The following CAMK2D variants were observed in gnomAD, a reference collection of about 807,000 sequenced individuals.
CAMK2D encodes the protein calcium/calmodulin-dependent protein kinase type II subunit delta.
CAMK2D carries 37 observed loss-of-function variants against 84.0 expected under a neutral mutation model. That is an observed-to-expected ratio of 0.44 (90% CI 0.34 to 0.58). The LOEUF (loss-of-function observed/expected upper bound fraction) is 0.58, where lower values mean the gene tolerates loss of function less well. CAMK2D is among the 20% of genes least tolerant of loss of function. The pLI, the probability that CAMK2D is intolerant of heterozygous loss-of-function variation, is 0.02. For missense variants in CAMK2D, 448 were observed against 652.5 expected (o/e 0.69, Z 3.41); for synonymous variants, 202 against 212.5 (o/e 0.95, Z 0.43).
intron 4 of CAMK2D, among the ~76,000 whole-genome samples, chr4:113,573,670 C>T (rs1235024256): frequency 6.6e-6 from 1 of 152,222 alleles, no homozygotes; most frequent in Non-Finnish European, 1.5e-5. Flanking sequence ...TATAAAACTA[C>T]TTCCATACAT....
At chr4:113,676,230 C>T (rs57074148) in intron 2 of CAMK2D, among the ~76,000 whole-genome samples, 145 of 152,288 alleles carry the variant, frequency 9.5e-4, no homozygotes, top group African/African-American at 3.2e-3. Context: ...GTTCAACACT[C>T]AGCCTGTCAG....
intron 4 of CAMK2D, among the ~76,000 whole-genome samples, chr4:113,556,801 T>C (rs183181367): frequency 2.0e-4 from 30 of 152,176 alleles, no homozygotes; most frequent in Non-Finnish European, 3.8e-4. Context: ...ATAAAGTAAA[T>C]CAAGCCAACC....
chr4:113,759,414 C>G lies in CAMK2D; in HGVS notation c.66G>C (p.Lys22Asn). The G allele has an allele frequency of 6.3e-7, 1 of 1,575,170 alleles. No individual in the cohort carries two copies. The highest frequency in any genetic ancestry group is 8.7e-7 in the Non-Finnish European group (1 of 1,153,336). ...DEYQLFEELG[K>N]GAFSVVRRCM... ...ATCTTCTCACCACTGAGAATGCCCC[C>G]CTGGAAACCAATAATTAGCAGGTCA... The change falls in exon 2 of 21, where the codon AAG (lysine) becomes AAC (asparagine). Residue 22 changes from lysine to asparagine, a missense_variant and splice_region_variant. This residue lies in a region of CAMK2D where 44 missense variants were observed against 45.6 expected (regional missense o/e 0.96). Transcript: ENST00000511664.
chr4:113,516,148 A>T (rs995257913), intron 9 of CAMK2D, among the ~76,000 whole-genome samples: 4 of 152,190 alleles, frequency 2.6e-5, no homozygotes, highest in Admixed American at 2.0e-4. Context: ...TAGTTTTAAA[A>T]TGGGGAACTT....
intron 4 of CAMK2D, among the ~76,000 whole-genome samples, chr4:113,608,350 G>A (rs1003336400): frequency 6.6e-6 from 1 of 152,118 alleles, no homozygotes; most frequent in Admixed American, 6.5e-5. Context: ...AAAATGCTAG[G>A]CAGTAGTCCA....
chr4:113,497,458 G>T (rs2097953400), intron 16 of CAMK2D, among the ~76,000 whole-genome samples: 1 of 152,190 alleles, frequency 6.6e-6, no homozygotes, highest in South Asian at 2.1e-4. Flanking sequence ...TTTAAATCTT[G>T]GCTTTCTAAG....
intron 2 of CAMK2D, among the ~76,000 whole-genome samples, chr4:113,710,802 T>G (rs1561977209): frequency 6.6e-6 from 1 of 152,222 alleles, no homozygotes; most frequent in African/African-American, 2.4e-5. Context: ...CAAAGATTGC[T>G]GATTTAGGTA....
At chr4:113,455,633 C>G (rs1040162749) in intron 20 of CAMK2D, 93 bp downstream of exon 20, 1 of 670,396 alleles carries the variant, frequency 1.5e-6, no homozygotes, top group African/African-American at 1.8e-5. Context: ...GAATATTATG[C>G]AATAAAAAAT....
At chr4:113,648,813 A>C (rs766665017) in intron 3 of CAMK2D, among the ~76,000 whole-genome samples, 10 of 152,166 alleles carry the variant, frequency 6.6e-5, no homozygotes, top group Non-Finnish European at 1.5e-5. Context: ...TAAGAAGCTT[A>C]TATCTTCTGC....
At chr4:113,632,170 T>C (rs1407196210) in intron 3 of CAMK2D, among the ~76,000 whole-genome samples, 1 of 152,164 alleles carries the variant, frequency 6.6e-6, no homozygotes, top group Non-Finnish European at 1.5e-5. Context: ...TCCAAAACAA[T>C]GAAATATCAA....
In CAMK2D at chr4:113,509,658, T is replaced by A. The variant is rs2098183498; in HGVS notation, c.964A>T (p.Lys322Ter). The A allele has an allele frequency of 6.2e-7, 1 of 1,609,636 alleles. No individual in the cohort carries two copies. The highest frequency in any genetic ancestry group is 1.1e-5 in the South Asian group (1 of 90,992). The change falls in exon 13 of 21, where the codon AAG becomes TAG. Residue 322 changes from lysine to a stop codon, truncating the protein, a stop_gained. Transcript: ENST00000511664. LOFTEE classifies it high-confidence loss of function. ...RNFSAAKSLL[K>*]KPDGVKINNK... ...CTTACCTTTACTCCATCTGGTTTCT[T>A]CAACAAACTCTTGGCTGCTGTAAAA... is the stretch of plus-strand genomic sequence containing the variant.
At chr4:113,502,812 G>A in intron 15 of CAMK2D, 124 bp downstream of exon 15, 1 of 701,090 alleles carries the variant, frequency 1.4e-6, no homozygotes, top group Non-Finnish European at 2.6e-6. Context: ...GGCCCAAAAG[G>A]AAGTGTGGTA....
intron 4 of CAMK2D, among the ~76,000 whole-genome samples, chr4:113,554,081 T>C (rs1560929155): frequency 6.6e-6 from 1 of 152,156 alleles, no homozygotes; most frequent in African/African-American, 2.4e-5. Context: ...ATTAATAAAA[T>C]TGCTGCTATT....
At chr4:113,750,188 A>C (rs1199357179) in intron 2 of CAMK2D, among the ~76,000 whole-genome samples, 1 of 152,174 alleles carries the variant, frequency 6.6e-6, no homozygotes, top group African/African-American at 2.4e-5. Context: ...AGGAGACAAC[A>C]ATCTCTCTGG....
At chr4:113,727,744 A>G (rs1214177505) in intron 2 of CAMK2D, among the ~76,000 whole-genome samples, 1 of 152,236 alleles carries the variant, frequency 6.6e-6, no homozygotes, top group Non-Finnish European at 1.5e-5. Flanking sequence ...ACAGTCTGGA[A>G]GAAAATATTT....
At chr4:113,672,375 G>A (rs1034555124) in intron 2 of CAMK2D, among the ~76,000 whole-genome samples, 1 of 152,108 alleles carries the variant, frequency 6.6e-6, no homozygotes, top group Non-Finnish European at 1.5e-5. Flanking sequence ...TTAAGATACT[G>A]TAAGTTTGAG....
chr4:113,523,359 T>C (rs2098386201), intron 8 of CAMK2D, among the ~76,000 whole-genome samples: 1 of 152,094 alleles, frequency 6.6e-6, no homozygotes, highest in African/African-American at 2.4e-5. Flanking sequence ...CTTGTTAAAG[T>C]GCAAATTCCT....
At chr4:113,755,914 T>G (rs1315250043) in intron 2 of CAMK2D, among the ~76,000 whole-genome samples, 1 of 152,010 alleles carries the variant, frequency 6.6e-6, no homozygotes, top group Admixed American at 6.6e-5. Flanking sequence ...TCAATGCCCA[T>G]CTAACAAAAA....
intron 2 of CAMK2D, chr4:113,677,638 C>T (rs1192569176): frequency 4.1e-6 from 2 of 487,358 alleles, no homozygotes; most frequent in Admixed American, 6.4e-5. Context: ...TCAGTAGTGG[C>T]CCTTGGATAA....
Sources: allele counts gnomAD v4.1 joint callset (sites outside exome capture counted in the v4.1 genomes callset), GRCh38; gene constraint gnomAD v4.1.1; regional missense constraint gnomAD v4.1.1; transcripts MANE v1.5; gene names NCBI Gene and HGNC (gene_info 2026-07-23, HGNC 2026-07-21).